Variants in SMAD9 observed in about 807,000 individuals in gnomAD.
SMAD9 encodes MAD homolog 9.
SMAD9 carries 36 observed loss-of-function variants against 46.1 expected under a neutral mutation model. The ratio of observed to expected loss-of-function variants is 0.78; its 90% CI spans 0.60 to 1.03. The LOEUF is 1.03. SMAD9 is among the 50% of genes least tolerant of loss of function. The pLI is 0.00. For synonymous variants in SMAD9, 245 were observed against 237.1 expected (o/e 1.03, Z -0.31); for missense variants, 572 against 599.8 (o/e 0.95, Z 0.48).
At chr13:36,889,115 A>G (rs2058470651) in intron 1 of SMAD9, among the ~76,000 whole-genome samples, 1 of 152,200 alleles carries the variant, frequency 6.6e-6, no homozygotes, top group Non-Finnish European at 1.5e-5. Context: ...AAGAAATATC[A>G]TAATTGAATT....
chr13:36,887,812 C>T (rs887758253), intron 1 of SMAD9, among the ~76,000 whole-genome samples: 1 of 152,222 alleles, frequency 6.6e-6, no homozygotes, highest in Admixed American at 6.5e-5. Context: ...CAGATACAGG[C>T]AGGTTTGTCT....
intron 4 of SMAD9, among the ~76,000 whole-genome samples, chr13:36,867,012 C>G (rs1415757301): frequency 6.6e-6 from 1 of 152,164 alleles, no homozygotes; most frequent in African/African-American, 2.4e-5. Flanking sequence ...CCATACTTAA[C>G]ATCAAGAACT....
At chr13:36,870,601 G>T in intron 3 of SMAD9, among the ~76,000 whole-genome samples, 1 of 124,428 alleles carries the variant, frequency 8.0e-6, no homozygotes, top group East Asian at 1.9e-4. Flanking sequence ...GACTCCTGAA[G>T]GTCAGAGACC....
intron 1 of SMAD9, among the ~76,000 whole-genome samples, chr13:36,887,492 G>T (rs1179628317): frequency 6.6e-6 from 1 of 151,996 alleles, no homozygotes; most frequent in Non-Finnish European, 1.5e-5. Flanking sequence ...CAAAGTGCTG[G>T]GATTACAGGT....
intron 1 of SMAD9, among the ~76,000 whole-genome samples, chr13:36,906,082 A>G (rs2058618089): frequency 6.6e-6 from 1 of 152,108 alleles, no homozygotes. Flanking sequence ...ATGGCAGCTA[A>G]TTTTTCTTCA....
At chr13:36,918,751 T>C (rs937444415) in intron 1 of SMAD9, among the ~76,000 whole-genome samples, 4 of 152,232 alleles carry the variant, frequency 2.6e-5, no homozygotes, top group East Asian at 3.8e-4. Context: ...TTCTTAAATA[T>C]AGATCACTAT....
chr13:36,919,819 GCCCACCCCAC>G (rs1328389223), intron 1 of SMAD9, among the ~76,000 whole-genome samples: 2 of 116,578 alleles, frequency 1.7e-5, no homozygotes, highest in South Asian at 3.0e-4. Context: ...CCGGCCCCGC[GCCCACCCCAC>G]CCCACCCCAC....
At chr13:36,887,367 T>C (rs1429705748) in intron 1 of SMAD9, among the ~76,000 whole-genome samples, 2 of 151,488 alleles carry the variant, frequency 1.3e-5, no homozygotes, top group Non-Finnish European at 2.9e-5. Flanking sequence ...GGATTACAGG[T>C]GTACACCACC....
intron 4 of SMAD9, among the ~76,000 whole-genome samples, chr13:36,866,078 C>T (rs2058231545): frequency 6.6e-6 from 1 of 152,126 alleles, no homozygotes; most frequent in Admixed American, 6.6e-5. Context: ...ACTGTCGGCC[C>T]TAAAGCAAGC....
At chr13:36,913,239 G>A (rs1205836757) in intron 1 of SMAD9, among the ~76,000 whole-genome samples, 1 of 152,068 alleles carries the variant, frequency 6.6e-6, no homozygotes, top group Non-Finnish European at 1.5e-5. Context: ...CTTACTATTG[G>A]AGAAATATTT....
rs2058312706 is a variant in SMAD9, at chr13:36,873,125, G to GT, written c.413-211dup. ...GAAGCAAGCATGTGAGTAAGCTAAG[G>GT]TAACAGTCTTCTCCTTGTAACCGGA... On this transcript the variant is annotated intron_variant, in intron 2 of 6. Transcript: ENST00000379826. Among the ~76,000 whole-genome samples, 3 of 152,240 alleles carry GT rather than the reference G, an allele frequency of 2.0e-5. No individual in the cohort carries two copies. The South Asian group carries it at 6.2e-4, about 32-fold the overall frequency.
chr13:36,864,088 T>C (rs2058208974), intron 5 of SMAD9, among the ~76,000 whole-genome samples: 1 of 152,252 alleles, frequency 6.6e-6, no homozygotes, highest in Admixed American at 6.5e-5. Context: ...CAACATTATG[T>C]GTTAATGTTT....
At chr13:36,871,056 TG>T (rs2058288360) in intron 3 of SMAD9, among the ~76,000 whole-genome samples, 1 of 152,222 alleles carries the variant, frequency 6.6e-6, no homozygotes, top group Non-Finnish European at 1.5e-5. Context: ...AGGCTGCAAC[TG>T]ACCTCTGGTA....
At chr13:36,864,424 C>T (rs4943433) in intron 5 of SMAD9, among the ~76,000 whole-genome samples, 14,725 of 152,170 alleles carry the variant, frequency 0.097, 934 homozygotes, top group East Asian at 0.31. Context: ...TTCTCTCATC[C>T]AAGTACTAAC....
At chr13:36,919,062 T>C (rs938856495) in intron 1 of SMAD9, among the ~76,000 whole-genome samples, 5 of 152,240 alleles carry the variant, frequency 3.3e-5, no homozygotes, top group African/African-American at 1.2e-4. Context: ...TTTCTCACTG[T>C]AAACTACTGG....
intron 5 of SMAD9, among the ~76,000 whole-genome samples, chr13:36,860,045 AG>A (rs1183474084): frequency 6.6e-6 from 1 of 152,192 alleles, no homozygotes; most frequent in Non-Finnish European, 1.5e-5. Context: ...TCCATGGAGC[AG>A]CCATTCTTTA....
intron 1 of SMAD9, among the ~76,000 whole-genome samples, chr13:36,906,649 G>A (rs2058622288): frequency 6.6e-6 from 1 of 152,122 alleles, no homozygotes; most frequent in East Asian, 1.9e-4. Context: ...ATAAAAGGAG[G>A]TTCAACATCA....
chr13:36,912,464 A>G (rs954555590), intron 1 of SMAD9, among the ~76,000 whole-genome samples: 1 of 152,192 alleles, frequency 6.6e-6, no homozygotes, highest in Non-Finnish European at 1.5e-5. Flanking sequence ...TATTATTATC[A>G]GGCAAGTAAT....
In SMAD9 at chr13:36,853,535, GGCTGCA is replaced by G; in HGVS notation, c.1138_1143del (p.Cys380_Ser381del). On this transcript the variant is annotated inframe_deletion, in exon 6 of 7. Coordinates refer to ENST00000379826, the MANE Select transcript of SMAD9 (RefSeq NM_001127217.3). Reference sequence around the variant, plus strand: ...AAGAGCTGGTTGTTGAAGACCTTGAGGCTGCAGCCGCTGGGGATCTTGCAGACGGTA... The same window carrying G: ...AAGAGCTGGTTGTTGAAGACCTTGAGGCCGCTGGGGATCTTGCAGACGGTA... 1.2e-6 allele frequency: 2 copies of G among 1,614,156 alleles called. No homozygotes were observed. The highest frequency in any genetic ancestry group is 1.7e-6 in the Non-Finnish European group (2 of 1,180,030).
Sources: gnomAD v4.1 joint callset for allele counts (sites outside exome capture counted in the v4.1 genomes callset) on GRCh38, gnomAD v4.1.1 for gene constraint, MANE v1.5 for transcripts, NCBI Gene and HGNC (gene_info 2026-07-23, HGNC 2026-07-21) for gene names.